SCN3A: variants seen among roughly 807,000 people sequenced by gnomAD.
SCN3A encodes sodium channel protein type 3 subunit alpha.
In SCN3A, 60 loss-of-function variants were observed where a neutral mutation model predicts 187.6. That is an observed-to-expected ratio of 0.32 (90% CI 0.26 to 0.40). SCN3A has a LOEUF of 0.40. SCN3A is among the 10% of genes least tolerant of loss of function. SCN3A has a pLI of 1.00. For synonymous variants in SCN3A, 788 were observed against 829.2 expected (o/e 0.95, Z 0.85); for missense variants, 1,601 against 2,428.2 (o/e 0.66, Z 7.16).
chr2:165,186,994 C>G (rs753640060), intron 1 of SCN3A, among the ~76,000 whole-genome samples: 1 of 152,196 alleles, frequency 6.6e-6, no homozygotes, highest in Non-Finnish European at 1.5e-5. Context: ...CCTTCTTTGG[C>G]AGCCTTGATC....
intron 15 of SCN3A, among the ~76,000 whole-genome samples, chr2:165,135,085 A>G (rs1450060447): frequency 6.6e-6 from 1 of 152,064 alleles, no homozygotes; most frequent in Admixed American, 6.6e-5. Flanking sequence ...TGTTTTTGGT[A>G]CATTTTAATC....
chr2:165,191,417 AG>A (rs1004671248), intron 1 of SCN3A, among the ~76,000 whole-genome samples: 3 of 152,090 alleles, frequency 2.0e-5, no homozygotes, highest in African/African-American at 7.2e-5. Context: ...ATTGCCTAAA[AG>A]GCCTTATAAT....
In SCN3A at chr2:165,097,143, T is replaced by C. The variant is rs1685396276; in HGVS notation, c.4239+109A>G. On this transcript the variant is annotated intron_variant, in intron 23 of 27. Coordinates refer to ENST00000283254, the MANE Select transcript of SCN3A (RefSeq NM_006922.4). ...TGATATTATAGGTGTTATCATTAAC[T>C]TTTTTTCATGCTGTCAAATGTTAGT... 4.8e-6 allele frequency: 6 copies of C among 1,261,482 alleles called. No individual in the cohort carries two copies. In the African/African-American group the frequency reaches 7.5e-5, roughly 16 times the overall value. The allele number at this position is 1,261,482 out of a possible 1,614,324, so 78.1% of individuals were successfully genotyped here.
In SCN3A at chr2:165,191,959, C is replaced by T. The variant is rs562361235; in HGVS notation, c.-247-5212G>A. ...TTTTTAGATTTATTATTTGGAAATT[C>T]AGCCCAATCTTTAGAAACTCACATA... On this transcript the variant is annotated intron_variant, in intron 1 of 27. Transcript: ENST00000283254. 7.9e-5 allele frequency among the ~76,000 whole-genome samples: 12 copies of T among 151,412 alleles called. No homozygotes were observed. In the East Asian group the frequency reaches 1.7e-3, roughly 22 times the overall value.
chr2:165,090,962 T>C lies in SCN3A; in HGVS notation c.5191A>G (p.Ile1731Val). 1.2e-6 allele frequency: 2 copies of C among 1,614,104 alleles called. No homozygotes were observed. The highest frequency in any genetic ancestry group is 8.5e-7 in the Non-Finnish European group (1 of 1,180,016). Residue 1731 changes from isoleucine (I) to valine (V), a missense_variant, in exon 28 of 28, where the codon ATT (isoleucine) becomes GTT (valine). Coordinates refer to ENST00000283254, the MANE Select transcript of SCN3A (RefSeq NM_006922.4). The surrounding 1 kb of genome is among the most constrained non-coding windows in gnomAD (Gnocchi z 4.0). ...SAPPDCDPDT[I>V]HPGSSVKGDC... ...CCCTTAACTGAGCTGCCAGGGTGAATTGTGTCAGGGTCACAGTCGGGTGGT... is the reference window on the plus strand; with the variant it reads ...CCCTTAACTGAGCTGCCAGGGTGAACTGTGTCAGGGTCACAGTCGGGTGGT...
chr2:165,141,094 G>A (rs1687985629), intron 12 of SCN3A, 96 bp from the exon 13 acceptor site: 1 of 759,190 alleles, frequency 1.3e-6, no homozygotes, highest in South Asian at 2.1e-5. Flanking sequence ...GTTTTCTTTG[G>A]AGTTAGTATA....
intron 12 of SCN3A, among the ~76,000 whole-genome samples, chr2:165,141,470 A>G (rs1377220621): frequency 6.6e-6 from 1 of 152,238 alleles, no homozygotes; most frequent in African/African-American, 2.4e-5. Flanking sequence ...CAAATGTTGC[A>G]TTGTAGCCAA....
intron 18 of SCN3A, among the ~76,000 whole-genome samples, chr2:165,121,589 C>T (rs978613172): frequency 5.3e-5 from 8 of 151,830 alleles, no homozygotes; most frequent in Admixed American, 5.2e-4. Context: ...ATTTTTTTTG[C>T]ATTCTGCAAC....
Position 165,090,806 on chromosome 2 carries a change from C to T in SCN3A, c.5347G>A (p.Glu1783Lys). The change falls in exon 28 of 28, where the codon GAG becomes AAG. Residue 1783 changes from glutamate (E) to lysine (K), a missense_variant. By Grantham distance (56) the Glu-to-Lys change is moderately conservative (BLOSUM62 1). Around this residue, in one of 11 missense-constraint regions of SCN3A, gnomAD observed 110 missense variants for 175.9 expected, o/e 0.63. Transcript: ENST00000283254. This position sits in a 1 kb window ranked among gnomAD's most constrained non-coding sequence, Gnocchi z 4.0. ...NFSVATEESA[E>K]PLSEDDFEMF... ...TCAAAGTCATCCTCACTCAGGGGCT[C>T]TGCACTTTCTTCAGTAGCAACACTG... 1 of 1,614,070 alleles carries T rather than the reference C, an allele frequency of 6.2e-7. No homozygotes were observed. The highest frequency in any genetic ancestry group is 1.7e-5 in the Admixed American group (1 of 59,992).
Position 165,092,909 on chromosome 2 carries a change from C to T in SCN3A, c.4537-385G>A, listed in dbSNP as rs1300523442. 2 of 198,332 alleles carry T rather than the reference C, an allele frequency of 1.0e-5. No homozygotes were observed. The highest frequency in any genetic ancestry group is 4.8e-5 in the African/African-American group (2 of 41,826). The allele number at this position is 198,332 out of a possible 1,614,324, so 12.3% of individuals were successfully genotyped here. A position where few individuals can be genotyped will look rare whatever the true frequency, so the allele number is the denominator to read the frequency against. ...TCATTTCTATTAAAAAAAAATTAGC[C>T]TGGTATGGTGGCACAGGCTTGCAGT... On this transcript the variant is annotated intron_variant, in intron 26 of 27. Coordinates refer to ENST00000283254, the MANE Select transcript of SCN3A (RefSeq NM_006922.4). The surrounding 1 kb of genome is among the most constrained non-coding windows in gnomAD (Gnocchi z 4.2).
intron 21 of SCN3A, among the ~76,000 whole-genome samples, chr2:165,112,098 T>C (rs1056326261): frequency 2.0e-5 from 3 of 152,182 alleles, no homozygotes; most frequent in African/African-American, 4.8e-5. Context: ...GAGATAGTAT[T>C]TGAAGCACCT....
chr2:165,161,137 CTTTTTTT>C lies in SCN3A; in HGVS notation c.1031+1164_1031+1170del, dbSNP rs61608647. Among the ~76,000 whole-genome samples, 147 of 93,400 alleles carry C rather than the reference CTTTTTTT, an allele frequency of 1.6e-3. 1 individual carries two copies. Among genetic ancestry groups the C allele is most frequent in the Middle Eastern group, 0.018 (2 of 110 alleles). The allele number at this position is 93,400 out of a possible 152,430, so 61.3% of individuals were successfully genotyped here. A position where few individuals can be genotyped will look rare whatever the true frequency, so the allele number is the denominator to read the frequency against. On this transcript the variant is annotated intron_variant, in intron 9 of 27. Coordinates refer to ENST00000283254, the MANE Select transcript of SCN3A (RefSeq NM_006922.4). ...TTTCTTTTCTTTTTTTTCTTTCTTT[CTTTTTTT>C]TTTTTTTTTTTTTTTTTTGTTTTGT...
chr2:165,121,571 T>C (rs1686678573), intron 18 of SCN3A, among the ~76,000 whole-genome samples: 1 of 152,246 alleles, frequency 6.6e-6, no homozygotes, highest in South Asian at 2.1e-4. Context: ...TTGATAATTT[T>C]ATTTCTCATT....
At chr2:165,196,570 C>T (rs542328954) in intron 1 of SCN3A, among the ~76,000 whole-genome samples, 15 of 152,126 alleles carry the variant, frequency 9.9e-5, no homozygotes, top group South Asian at 6.2e-4. Flanking sequence ...GAAACCAATC[C>T]GGAACAGCAA....
At chr2:165,095,277 A>G (rs1359280061) in intron 25 of SCN3A, among the ~76,000 whole-genome samples, 1 of 152,176 alleles carries the variant, frequency 6.6e-6, no homozygotes, top group Admixed American at 6.6e-5. Flanking sequence ...GACCCGTTGG[A>G]TGGGTCCGAA....
intron 11 of SCN3A, among the ~76,000 whole-genome samples, chr2:165,151,067 G>GT (rs886164206): frequency 6.6e-6 from 1 of 152,096 alleles, no homozygotes; most frequent in Admixed American, 6.5e-5. Context: ...TTTGTTTATA[G>GT]TTTTCTGTAT....
chr2:165,118,435 G>C (rs1410910063), intron 18 of SCN3A, among the ~76,000 whole-genome samples: 2 of 152,184 alleles, frequency 1.3e-5, no homozygotes, highest in African/African-American at 4.8e-5. Context: ...GCTTTTGCAA[G>C]CTCCCAGGAC....
intron 27 of SCN3A, 103 bp from the exon 28 acceptor site, chr2:165,091,448 T>C: frequency 3.7e-6 from 5 of 1,349,504 alleles, no homozygotes; most frequent in Non-Finnish European, 5.2e-6. Context: ...GTTATGAATA[T>C]GAGCCTTTAT....
intron 23 of SCN3A, 24 bp from the exon 24 acceptor site, chr2:165,096,544 T>A (rs768435885): frequency 6.3e-7 from 1 of 1,584,436 alleles, no homozygotes; most frequent in East Asian, 2.2e-5. Context: ...ATATTTGAAT[T>A]GTTCATAAAA....
Sources: gnomAD v4.1 joint callset for allele counts (sites outside exome capture counted in the v4.1 genomes callset) on GRCh38, gnomAD v4.1.1 for gene constraint, gnomAD v4.1.1 regional missense constraint, Gnocchi (gnomAD v3.1) non-coding constraint, MANE v1.5 for transcripts, NCBI Gene and HGNC (gene_info 2026-07-23, HGNC 2026-07-21) for gene names.